Variants in PAK4 observed in about 807,000 individuals in gnomAD.
The protein encoded by PAK4 is p21 (RAC1) activated kinase 4.
A neutral mutation model predicts 53.5 loss-of-function variants in PAK4; 49 were observed. The ratio of observed to expected loss-of-function variants is 0.92; its 90% CI spans 0.73 to 1.16. The LOEUF (loss-of-function observed/expected upper bound fraction) is 1.16, where lower values mean the gene tolerates loss of function less well. Ranked by LOEUF, PAK4 falls within the 50% of genes most tolerant of loss-of-function variation. PAK4 has a pLI of 0.00. For missense variants in PAK4, 824 were observed against 850.7 expected (o/e 0.97, Z 0.39); for synonymous variants, 376 against 375.6 (o/e 1.00, Z -0.01).
At chr19:39,165,536 A>AAAT (rs2074359938) in intron 1 of PAK4, among the ~76,000 whole-genome samples, 1 of 133,222 alleles carries the variant, frequency 7.5e-6, no homozygotes, top group Non-Finnish European at 1.7e-5. Flanking sequence ...ATAAATAAAT[A>AAAT]AATAAATAAA....
intron 1 of PAK4, chr19:39,134,822 C>T (rs2073780298): frequency 6.6e-6 from 1 of 152,072 alleles, no homozygotes; most frequent in African/African-American, 2.4e-5. Context: ...CCAGGCGAGT[C>T]TTGAACTCTT....
At chr19:39,169,632 C>G in exon 2 of PAK4, 6 of 1,613,638 alleles carry the variant, frequency 3.7e-6, no homozygotes, top group Non-Finnish European at 5.1e-6. Flanking sequence ...GGGCTTCGAC[C>G]AGCACGAGCA....
Position 39,154,714 on chromosome 19 carries a change from C to T in PAK4, c.-22-14818C>T, listed in dbSNP as rs1307153405. Among the ~76,000 whole-genome samples, 9 of 152,224 alleles carry T rather than the reference C, an allele frequency of 5.9e-5. No individual in the cohort carries two copies. In the East Asian group the frequency reaches 1.7e-3, roughly 29 times the overall value. On this transcript the variant is annotated intron_variant, in intron 1 of 8. Transcript: ENST00000358301. Reference sequence around the variant, plus strand: ...TCCAGAGCTGTCCAATCCCCATCCACTCCCCGCCAGAGCCCAAACCTGCCC... The same window carrying T: ...TCCAGAGCTGTCCAATCCCCATCCATTCCCCGCCAGAGCCCAAACCTGCCC...
At chr19:39,135,210 A>C (rs1340503164) in intron 1 of PAK4, 1 of 152,076 alleles carries the variant, frequency 6.6e-6, no homozygotes, top group Non-Finnish European at 1.5e-5. Flanking sequence ...TTTTCCTGCA[A>C]AAGTAACACC....
intron 1 of PAK4, among the ~76,000 whole-genome samples, chr19:39,155,233 A>G (rs1462729851): frequency 3.9e-5 from 6 of 152,048 alleles, no homozygotes; most frequent in African/African-American, 7.2e-5. Flanking sequence ...TAGGGTGTCA[A>G]CTCCCGTGGG....
intron 1 of PAK4, among the ~76,000 whole-genome samples, chr19:39,151,590 C>G (rs77010457): frequency 9.9e-4 from 151 of 152,304 alleles, no homozygotes; most frequent in African/African-American, 3.5e-3. Flanking sequence ...GGGACTGGCT[C>G]CAGACATCAC....
chr19:39,126,168 G>T (rs2073572870), intron 1 of PAK4, among the ~76,000 whole-genome samples: 2 of 152,078 alleles, frequency 1.3e-5, no homozygotes, highest in African/African-American at 2.4e-5. Flanking sequence ...CGCGTTCGAG[G>T]GGTTCTGGGC....
At position 39,175,008 on chromosome 19, in the gene PAK4, G is replaced by C. The variant is rs2074573190; in HGVS notation, c.1176G>C (p.Trp392Cys). Residue 392 changes from tryptophan (W) to cysteine (C), a missense_variant, in exon 5 of 9, where the codon TGG (tryptophan) becomes TGC (cysteine). Around this residue, in one of 2 missense-constraint regions of PAK4, gnomAD observed 346 missense variants for 415.0 expected, o/e 0.83. Coordinates refer to ENST00000358301, the Ensembl canonical transcript of PAK4. This position sits in a 1 kb window ranked among gnomAD's most constrained non-coding sequence, Gnocchi z 4.7. ...GCTACCTGGTGGGGGACGAGCTCTG[G>C]GTGGTCATGGAGTTCCTGGAAGGAG... The C allele has an allele frequency of 6.2e-7, 1 of 1,613,910 alleles. No homozygotes were observed. Among genetic ancestry groups the C allele is most frequent in the Non-Finnish European group, 8.5e-7 (1 of 1,179,942 alleles).
At chr19:39,172,889 C>G (rs1379754430) in intron 2 of PAK4, 29 bp from the exon 4 acceptor site, 1 of 1,496,896 alleles carries the variant, frequency 6.7e-7, no homozygotes, top group Admixed American at 2.1e-5. Context: ...CCTTGCTGGG[C>G]CCCCACCCAC....
chr19:39,174,357 G>A (rs1010379163), intron 4 of PAK4, among the ~76,000 whole-genome samples: 4 of 150,910 alleles, frequency 2.7e-5, no homozygotes, highest in Admixed American at 2.0e-4. Flanking sequence ...CCTGTGCCCC[G>A]CCCTGGCCTC....
chr19:39,169,838 G>C (rs2074445288), intron 2 of PAK4, 81 bp downstream of exon 3: 1 of 934,840 alleles, frequency 1.1e-6, no homozygotes, highest in Non-Finnish European at 1.5e-6. Flanking sequence ...ACTCGACCCT[G>C]TGACCGACAC....
intron 1 of PAK4, among the ~76,000 whole-genome samples, chr19:39,131,416 G>A (rs1407395131): frequency 6.6e-6 from 1 of 152,132 alleles, no homozygotes; most frequent in Non-Finnish European, 1.5e-5. Flanking sequence ...GCCAGACACC[G>A]GTCAGGGGTG....
intron 4 of PAK4, 54 bp downstream of exon 5, chr19:39,174,064 CCCTCCCTCCCCT>C (rs1000967306): frequency 8.0e-6 from 8 of 999,960 alleles, no homozygotes; most frequent in South Asian, 1.6e-5. Flanking sequence ...CTCCCTCCCA[CCCTCCCTCCCCT>C]CCTCCCTCCT....
At chr19:39,163,511 G>A (rs2074318602) in intron 1 of PAK4, among the ~76,000 whole-genome samples, 1 of 152,102 alleles carries the variant, frequency 6.6e-6, no homozygotes, top group East Asian at 1.9e-4. Context: ...GGGAGAATGG[G>A]GGTGGTGGGA....
chr19:39,130,277 A>G (rs1250006609), intron 1 of PAK4, among the ~76,000 whole-genome samples: 1 of 127,578 alleles, frequency 7.8e-6, no homozygotes, highest in Non-Finnish European at 1.6e-5. Context: ...GGGGAAACCC[A>G]GGCAGAGGGG....
At chr19:39,140,307 A>G (rs1374640684) in intron 1 of PAK4, among the ~76,000 whole-genome samples, 1 of 152,142 alleles carries the variant, frequency 6.6e-6, no homozygotes, top group Non-Finnish European at 1.5e-5. Context: ...TCTGAGGGGA[A>G]GGATGCTGAT....
Position 39,169,527 on chromosome 19 carries a change from C to G in PAK4, c.-22-5C>G. On this transcript the variant is annotated splice_polypyrimidine_tract_variant and splice_region_variant and intron_variant, in intron 1 of 8. Transcript: ENST00000358301. The stretch of plus-strand genomic sequence containing the variant: ...TCACTCACCCACCGTGATTCCCTCC[C>G]GCAGGCCGCACCGAGTCCCCGGCAC... 1 of 1,604,106 alleles carries G rather than the reference C, an allele frequency of 6.2e-7. No homozygotes were observed. Among genetic ancestry groups the G allele is most frequent in the Non-Finnish European group, 8.5e-7 (1 of 1,171,772 alleles).
intron 6 of PAK4, chr19:39,176,380 G>T: frequency 6.2e-6 from 4 of 641,370 alleles, no homozygotes; most frequent in Non-Finnish European, 1.1e-5. Flanking sequence ...GGGGGATCGT[G>T]GGGGAGGTGA....
intron 1 of PAK4, among the ~76,000 whole-genome samples, chr19:39,143,198 C>T (rs909080778): frequency 7.3e-5 from 11 of 150,730 alleles, no homozygotes; most frequent in Non-Finnish European, 1.3e-4. Context: ...AGACTCTTGT[C>T]TTATTCACTG....
Sources: gnomAD v4.1 joint callset for allele counts (sites outside exome capture counted in the v4.1 genomes callset) on GRCh38, gnomAD v4.1.1 for gene constraint, gnomAD v4.1.1 regional missense constraint, Gnocchi (gnomAD v3.1) non-coding constraint, MANE v1.5 for transcripts, NCBI Gene and HGNC (gene_info 2026-07-23, HGNC 2026-07-21) for gene names.